The following PCDH11Y variants were observed in gnomAD, a reference collection of about 807,000 sequenced individuals.
PCDH11Y encodes protocadherin 11 Y-linked.
For synonymous variants in PCDH11Y, 9 were observed against 83.6 expected (o/e 0.11, Z 4.87); for missense variants, 12 against 224.8 (o/e 0.05, Z 6.05).
chrY:5,623,775 C>T, intron 4 of PCDH11Y, among the ~76,000 whole-genome samples: 3 of 32,584 alleles, frequency 9.2e-5, no homozygotes, highest in Non-Finnish European at 1.5e-4. Context: ...GTAAATAGTG[C>T]TGTGATGAAA....
At position 5,046,535 on chromosome Y, in the gene PCDH11Y, G is replaced by T. The variant is rs372415777; in HGVS notation, c.33-10354G>T. The stretch of plus-strand genomic sequence containing the variant: ...TTCAAAGCTGTCAGACAGGGACATT[G>T]AAGTCTGCGGAGGTTACTGCTTTCT... On this transcript the variant is annotated intron_variant, in intron 3 of 5. Coordinates refer to the PCDH11Y transcript ENST00000333703. Among the ~76,000 whole-genome samples the T allele has an allele frequency of 0.011, 386 of 34,005 alleles. No homozygotes were observed. The Middle Eastern group carries it at 0.23, about 20-fold the overall frequency. The allele number at this position is 34,005 out of a possible 37,273, so 91.2% of individuals were successfully genotyped here. A position where few individuals can be genotyped will look rare whatever the true frequency, so the allele number is the denominator to read the frequency against.
At chrY:5,379,077 T>C (rs1287169598) in intron 2 of PCDH11Y, among the ~76,000 whole-genome samples, 1 of 31,734 alleles carries the variant, frequency 3.2e-5, no homozygotes, top group Non-Finnish European at 7.6e-5. Context: ...TCTGCTGTGA[T>C]GAGGTGTGTA....
At chrY:5,476,430 TAAAAAAAAAAAAAA>T (rs1424925843) in intron 2 of PCDH11Y, among the ~76,000 whole-genome samples, 2 of 385 alleles carry the variant, frequency 5.2e-3, no homozygotes, top group South Asian at 0.071. Context: ...GACCCTTTCT[TAAAAAAAAAAAAAA>T]AAAAAAAAAA....
At chrY:5,115,071 G>A in intron 2 of PCDH11Y, among the ~76,000 whole-genome samples, 2 of 29,830 alleles carry the variant, frequency 6.7e-5, no homozygotes. Context: ...AGTATCAAAG[G>A]AAAAATTTAA....
chrY:5,179,030 A>C, intron 2 of PCDH11Y, among the ~76,000 whole-genome samples: 1 of 33,170 alleles, frequency 3.0e-5, no homozygotes, highest in African/African-American at 1.2e-4. Flanking sequence ...TCTATCATTG[A>C]TGGGCATTTG....
At chrY:5,091,961 T>C (rs2124633985) in intron 1 of PCDH11Y, among the ~76,000 whole-genome samples, 1 of 33,051 alleles carries the variant, frequency 3.0e-5, no homozygotes, top group Non-Finnish European at 7.5e-5. Flanking sequence ...AGTACTGTTC[T>C]ACAAAATAGG....
intron 2 of PCDH11Y, among the ~76,000 whole-genome samples, chrY:5,280,296 G>A (rs2053052163): frequency 3.1e-5 from 1 of 32,087 alleles, no homozygotes; most frequent in African/African-American, 1.2e-4. Context: ...TTCACCGTCT[G>A]ATAGGCCCCA....
chrY:5,220,935 T>G (rs1602888823), intron 2 of PCDH11Y, among the ~76,000 whole-genome samples: 1 of 31,724 alleles, frequency 3.2e-5, no homozygotes, highest in South Asian at 7.3e-4. Flanking sequence ...GCCAGGCTGG[T>G]CTCGAACTCC....
At chrY:5,335,547 C>T in intron 2 of PCDH11Y, among the ~76,000 whole-genome samples, 5 of 31,642 alleles carry the variant, frequency 1.6e-4, no homozygotes, top group Admixed American at 3.0e-4. Context: ...GGTAGCTCCA[C>T]GAACAGCAAA....
intron 4 of PCDH11Y, among the ~76,000 whole-genome samples, chrY:5,597,836 A>T: frequency 3.1e-5 from 1 of 32,233 alleles, no homozygotes; most frequent in Non-Finnish European, 7.6e-5. Context: ...AGGGTAGGAG[A>T]GGGGTGAGAA....
chrY:5,528,139 T>C, intron 3 of PCDH11Y, among the ~76,000 whole-genome samples: 5 of 32,364 alleles, frequency 1.5e-4, no homozygotes, highest in Admixed American at 2.8e-4. Flanking sequence ...GTATACTTCT[T>C]AATTTATTTT....
chrY:5,219,667 T>C, intron 2 of PCDH11Y, among the ~76,000 whole-genome samples: 1 of 33,696 alleles, frequency 3.0e-5, no homozygotes, highest in African/African-American at 1.2e-4. Context: ...TATGTCCTCC[T>C]ATTCTGTAGG....
intron 3 of PCDH11Y, among the ~76,000 whole-genome samples, chrY:5,575,236 A>G: frequency 3.2e-5 from 1 of 31,465 alleles, no homozygotes; most frequent in African/African-American, 1.3e-4. Context: ...AACAATCAAC[A>G]AAGTGATGAG....
At chrY:5,129,890 C>T in intron 2 of PCDH11Y, among the ~76,000 whole-genome samples, 1 of 32,882 alleles carries the variant, frequency 3.0e-5, no homozygotes, top group Non-Finnish European at 7.4e-5. Flanking sequence ...TGTGTTGTTC[C>T]CCTTTATGTG....
intron 3 of PCDH11Y, among the ~76,000 whole-genome samples, chrY:5,514,876 TA>T (rs35944661): frequency 3.0e-5 from 1 of 33,766 alleles, no homozygotes; most frequent in South Asian, 6.5e-4. Context: ...CATCTTTTAT[TA>T]AAAAAATTCC....
intron 2 of PCDH11Y, among the ~76,000 whole-genome samples, chrY:5,403,291 G>A: frequency 3.1e-5 from 1 of 32,703 alleles, no homozygotes; most frequent in Admixed American, 2.8e-4. Flanking sequence ...TTTAATAATA[G>A]ACTATGAATA....
chrY:5,302,921 A>AT, intron 2 of PCDH11Y, among the ~76,000 whole-genome samples: 1 of 32,701 alleles, frequency 3.1e-5, no homozygotes, highest in East Asian at 8.1e-4. Flanking sequence ...TTTCTTCTTC[A>AT]TTTTTTACTT....
intron 2 of PCDH11Y, among the ~76,000 whole-genome samples, chrY:5,298,141 T>TA (rs2053077355): frequency 2.9e-5 from 1 of 34,074 alleles, no homozygotes; most frequent in African/African-American, 1.1e-4. Context: ...TCATCCACCT[T>TA]ACCTAATTTA....
chrY:5,304,616 C>T, intron 2 of PCDH11Y, among the ~76,000 whole-genome samples: 1 of 32,591 alleles, frequency 3.1e-5, no homozygotes, highest in African/African-American at 1.2e-4. Context: ...TCTTGATGGG[C>T]CAATATAATC....
Sources: gnomAD v4.1 joint callset for allele counts (sites outside exome capture counted in the v4.1 genomes callset) on GRCh38, gnomAD v4.1.1 for gene constraint, MANE v1.5 for transcripts, NCBI Gene and HGNC (gene_info 2026-07-23, HGNC 2026-07-21) for gene names.